PPP6C: variants seen among roughly 807,000 people sequenced by gnomAD.
PPP6C encodes the protein protein phosphatase 6 catalytic subunit.
In PPP6C, 11 loss-of-function variants were observed where a neutral mutation model predicts 39.8. The observed-to-expected ratio is 0.28, with a 90% CI of 0.17 to 0.46. The LOEUF (loss-of-function observed/expected upper bound fraction) is 0.46, where lower values mean the gene tolerates loss of function less well. PPP6C is among the 20% of genes least tolerant of loss of function. The pLI is 1.00. For missense variants in PPP6C, 211 were observed against 373.9 expected, an observed-to-expected ratio of 0.56 and a Z score of 3.59; for synonymous variants, 129 against 130.3, an observed-to-expected ratio of 0.99 and a Z score of 0.07.
rs564305722 is a variant in PPP6C at position 125,157,028 on chromosome 9, G to A, written c.379+1213C>T. ...AAGTTCTAGGGTACATGTGCACAACGTGTCGGTCTTTTACATATGTATACA... is the reference window on the plus strand; with the variant it reads ...AAGTTCTAGGGTACATGTGCACAACATGTCGGTCTTTTACATATGTATACA... On this transcript the variant is annotated intron_variant, in intron 4 of 6. Coordinates refer to ENST00000373547, the MANE Select transcript of PPP6C (RefSeq NM_002721.5). Among the ~76,000 whole-genome samples the A allele has an allele frequency of 2.0e-3, 303 of 152,012 alleles. 1 individual carries two copies. The highest frequency in any genetic ancestry group is 5.2e-3 in the South Asian group (25 of 4,802).
At chr9:125,185,466 G>T (rs943927317) in intron 1 of PPP6C, among the ~76,000 whole-genome samples, 9 of 151,904 alleles carry the variant, frequency 5.9e-5, no homozygotes, top group Non-Finnish European at 5.9e-5. Flanking sequence ...GGCTGAGAAG[G>T]GTGGATCACC....
intron 1 of PPP6C, among the ~76,000 whole-genome samples, chr9:125,180,906 G>A (rs542522495): frequency 6.6e-6 from 1 of 152,222 alleles, no homozygotes; most frequent in South Asian, 2.1e-4. Context: ...GAAAGATTGA[G>A]TGTCTGGAGA....
intron 4 of PPP6C, among the ~76,000 whole-genome samples, chr9:125,157,550 A>AACAC (rs111896842): frequency 6.6e-6 from 1 of 151,764 alleles, no homozygotes; most frequent in South Asian, 2.1e-4. Flanking sequence ...AACACACATA[A>AACAC]ACACACACAC....
chr9:125,151,578 A>C, intron 6 of PPP6C: 2 of 784,268 alleles, frequency 2.6e-6, no homozygotes, highest in East Asian at 5.4e-5. Context: ...CTATTCAGTC[A>C]TGTCCCTTTA....
intron 1 of PPP6C, among the ~76,000 whole-genome samples, chr9:125,184,852 C>T (rs958157165): frequency 1.3e-5 from 2 of 150,638 alleles, no homozygotes; most frequent in Non-Finnish European, 3.0e-5. Flanking sequence ...TGTGGTAGTG[C>T]GCACCTGTAA....
chr9:125,167,867 C>CTGGTCT (rs1407340636), intron 2 of PPP6C, among the ~76,000 whole-genome samples: 2 of 135,348 alleles, frequency 1.5e-5, no homozygotes, highest in Admixed American at 1.6e-4. Flanking sequence ...GTTGCCCAGG[C>CTGGTCT]TGGTCTTGAA....
At chr9:125,171,349 C>A (rs1829142988) in intron 1 of PPP6C, among the ~76,000 whole-genome samples, 169 bp from the exon 2 acceptor site, 1 of 151,382 alleles carries the variant, frequency 6.6e-6, no homozygotes, top group South Asian at 2.1e-4. Flanking sequence ...AGCTGTCACA[C>A]AGAATTCTTA....
intron 1 of PPP6C, among the ~76,000 whole-genome samples, chr9:125,174,084 G>A (rs1332500984): frequency 2.6e-5 from 4 of 152,182 alleles, no homozygotes; most frequent in Non-Finnish European, 5.9e-5. Context: ...GAGGTCTCAG[G>A]TGGAACCTTC....
At chr9:125,157,603 G>A (rs1434544901) in intron 4 of PPP6C, among the ~76,000 whole-genome samples, 2 of 151,652 alleles carry the variant, frequency 1.3e-5, no homozygotes, top group African/African-American at 2.4e-5. Flanking sequence ...AATTTGTGCA[G>A]AACATTCACC....
At position 125,170,598 on chromosome 9, in the gene PPP6C, C is replaced by T. The variant is rs947565937; in HGVS notation, c.171+487G>A. On this transcript the variant is annotated intron_variant, in intron 2 of 6. Coordinates refer to ENST00000373547, the MANE Select transcript of PPP6C (RefSeq NM_002721.5). ...AAATTGAGCTAAATATTTTCTAGCTCATTCATCAGTGATTTGCTGTGACAT... is the reference window on the plus strand; with the variant it reads ...AAATTGAGCTAAATATTTTCTAGCTTATTCATCAGTGATTTGCTGTGACAT... Among the ~76,000 whole-genome samples the T allele has an allele frequency of 9.9e-5, 15 of 152,278 alleles. No individual in the cohort carries two copies. The Middle Eastern group carries it at 0.01, about 104-fold the overall frequency.
intron 6 of PPP6C, chr9:125,151,550 G>A: frequency 1.2e-6 from 1 of 828,454 alleles, no homozygotes. Context: ...AATTCACAAT[G>A]AAGAATCCGT....
In PPP6C at chr9:125,184,486, G is replaced by A. The variant is rs142563422; in HGVS notation, c.75+5158C>T. Among the ~76,000 whole-genome samples the A allele has an allele frequency of 7.2e-3, 1,099 of 151,920 alleles. 11 individuals are homozygous for A. Among genetic ancestry groups the A allele is most frequent in the African/African-American group, 0.025 (1,056 of 41,436 alleles). On this transcript the variant is annotated intron_variant, in intron 1 of 6. Coordinates refer to ENST00000373547, the MANE Select transcript of PPP6C (RefSeq NM_002721.5). ...GCAGAAGGATCAATTGAGCCCAGGAGTTTGAGGTTGCAGCAAGCTACAACT... is the reference window on the plus strand; with the variant it reads ...GCAGAAGGATCAATTGAGCCCAGGAATTTGAGGTTGCAGCAAGCTACAACT...
intron 1 of PPP6C, among the ~76,000 whole-genome samples, chr9:125,174,809 G>A (rs1255469035): frequency 6.6e-6 from 1 of 152,104 alleles, no homozygotes; most frequent in Non-Finnish European, 1.5e-5. Flanking sequence ...CTACTTGGGA[G>A]GTTGAGACAG....
chr9:125,188,737 T>A (rs913062845), intron 1 of PPP6C, among the ~76,000 whole-genome samples: 30 of 151,626 alleles, frequency 2.0e-4, no homozygotes, highest in Non-Finnish European at 4.3e-4. Flanking sequence ...TGAGCCAAGA[T>A]CGCACCGCTG....
intron 1 of PPP6C, among the ~76,000 whole-genome samples, chr9:125,187,978 A>G (rs1256029178): frequency 2.6e-5 from 4 of 152,096 alleles, no homozygotes; most frequent in Non-Finnish European, 4.4e-5. Flanking sequence ...TCACATTCAC[A>G]ACAGCACGTG....
chr9:125,176,929 T>C (rs183451351), intron 1 of PPP6C, among the ~76,000 whole-genome samples: 59 of 152,300 alleles, frequency 3.9e-4, no homozygotes, highest in African/African-American at 1.4e-3. Context: ...GCGGGATTTC[T>C]GGCTTAAACA....
intron 1 of PPP6C, among the ~76,000 whole-genome samples, chr9:125,179,646 T>C (rs978122332): frequency 1.3e-5 from 2 of 148,588 alleles, no homozygotes; most frequent in African/African-American, 5.0e-5. Flanking sequence ...GCTTTCCTTT[T>C]CTCTCTCTCT....
chr9:125,174,272 C>T (rs1009772835), intron 1 of PPP6C, among the ~76,000 whole-genome samples: 10 of 151,928 alleles, frequency 6.6e-5, no homozygotes, highest in Non-Finnish European at 1.3e-4. Flanking sequence ...GTTACAGCTA[C>T]AACAATAGCT....
At chr9:125,171,478 C>T (rs10819038) in intron 1 of PPP6C, among the ~76,000 whole-genome samples, 9,603 of 79,312 alleles carry the variant, frequency 0.12, 622 homozygotes, top group Admixed American at 0.15. Flanking sequence ...CACACACACA[C>T]ATATATATAT....
Sources: gnomAD v4.1 joint callset for allele counts (sites outside exome capture counted in the v4.1 genomes callset) on GRCh38, gnomAD v4.1.1 for gene constraint, MANE v1.5 for transcripts, NCBI Gene and HGNC (gene_info 2026-07-23, HGNC 2026-07-21) for gene names.